The following JPH3 variants were observed in gnomAD, a reference collection of about 807,000 sequenced individuals.
The protein encoded by JPH3 is junctophilin-3.
A neutral mutation model predicts 59.6 loss-of-function variants in JPH3; 11 were observed. The observed-to-expected ratio is 0.18, with a 90% CI of 0.12 to 0.31. The LOEUF is 0.31. Ranked by LOEUF, JPH3 falls within the 10% of genes least tolerant of loss-of-function variation. The probability of loss-of-function intolerance (pLI) is 1.00; values close to 1 mark genes in which losing one functional copy is unlikely to be tolerated. For missense variants in JPH3, 1,202 were observed against 1,105.7 expected (o/e 1.09, Z -1.24); for synonymous variants, 673 against 483.6 (o/e 1.39, Z -5.14).
chr16:87,630,944 A>C (rs1327234282), intron 1 of JPH3, among the ~76,000 whole-genome samples: 1 of 152,204 alleles, frequency 6.6e-6, no homozygotes, highest in Non-Finnish European at 1.5e-5. Flanking sequence ...AGTATTGCTT[A>C]CTGCTGAGCC....
At chr16:87,635,339 G>C (rs531172707) in intron 1 of JPH3, among the ~76,000 whole-genome samples, 63 of 152,320 alleles carry the variant, frequency 4.1e-4, no homozygotes, top group African/African-American at 1.4e-3. Flanking sequence ...AAAGTTTTGG[G>C]AAGAGTGTCA....
chr16:87,689,948 A>G lies in JPH3; in HGVS notation c.1588A>G (p.Ser530Gly). Residue 530 changes from serine to glycine, a missense_variant, in exon 4 of 5, where the codon AGC (serine) becomes GGC (glycine). Physicochemically the swap from Ser to Gly is moderately conservative, Grantham distance 56. Transcript: ENST00000284262. ...EGRAGDCARS[S>G]WGEEQAGGSR... ...CCGGGCCGGGGACTGCGCCCGCAGC[A>G]GCTGGGGCGAGGAGCAGGCCGGGGG... The G allele has an allele frequency of 6.9e-7, 1 of 1,449,648 alleles. No individual in the cohort carries two copies. Among genetic ancestry groups the G allele is most frequent in the East Asian group, 2.5e-5 (1 of 39,848 alleles). The allele number at this position is 1,449,648 out of a possible 1,614,324, so 89.8% of individuals were successfully genotyped here.
intron 2 of JPH3, among the ~76,000 whole-genome samples, chr16:87,662,914 G>A (rs4843665): frequency 0.18 from 27,762 of 152,072 alleles, 2,919 homozygotes; most frequent in South Asian, 0.34. Context: ...CTCCTTTCAC[G>A]GACTTCCAGC....
chr16:87,636,474 C>G (rs755198445), intron 1 of JPH3, among the ~76,000 whole-genome samples: 1 of 152,164 alleles, frequency 6.6e-6, no homozygotes, highest in Non-Finnish European at 1.5e-5. Flanking sequence ...ACCGAGGGAG[C>G]GAGGGAGAGG....
chr16:87,644,251 T>C lies in JPH3; in HGVS notation c.383-7T>C. ...GGGCACTCACCCCTCTCTCATTTTC[T>C]CCCCAGGGACCTACCAGGGCCAGTG... On this transcript the variant is annotated splice_region_variant and splice_polypyrimidine_tract_variant and intron_variant, in intron 1 of 4. Coordinates refer to ENST00000284262, the MANE Select transcript of JPH3 (RefSeq NM_020655.4). The C allele has an allele frequency of 6.3e-7, 1 of 1,594,068 alleles. No homozygotes were observed. The highest frequency in any genetic ancestry group is 8.5e-7 in the Non-Finnish European group (1 of 1,169,666).
chr16:87,615,559 A>T (rs751400030), intron 1 of JPH3, among the ~76,000 whole-genome samples: 11 of 152,062 alleles, frequency 7.2e-5, no homozygotes, highest in Non-Finnish European at 1.5e-4. Context: ...CATTTTCCAG[A>T]TGGGAAGCAG....
At chr16:87,609,633 T>C (rs1049054156) in intron 1 of JPH3, among the ~76,000 whole-genome samples, 7 of 152,354 alleles carry the variant, frequency 4.6e-5, no homozygotes, top group South Asian at 2.1e-4. Context: ...CCATAGGATA[T>C]GTGTGTTCAC....
At chr16:87,664,707 C>A (rs2032808960) in intron 2 of JPH3, among the ~76,000 whole-genome samples, 1 of 152,176 alleles carries the variant, frequency 6.6e-6, no homozygotes, top group African/African-American at 2.4e-5. Context: ...GGTGAGCCAC[C>A]CCGGAGTGAA....
intron 4 of JPH3, among the ~76,000 whole-genome samples, chr16:87,692,993 A>G (rs547778870): frequency 6.6e-6 from 1 of 152,218 alleles, no homozygotes; most frequent in Non-Finnish European, 1.5e-5. Flanking sequence ...CAGGGGTGGC[A>G]TCAGTGGGCA....
At chr16:87,621,268 C>G (rs1041461841) in intron 1 of JPH3, among the ~76,000 whole-genome samples, 2 of 152,264 alleles carry the variant, frequency 1.3e-5, no homozygotes, top group Admixed American at 1.3e-4. Flanking sequence ...GCCAGTGCCC[C>G]CATCTGCTCT....
At chr16:87,680,801 T>C (rs2033270106) in intron 2 of JPH3, among the ~76,000 whole-genome samples, 1 of 152,228 alleles carries the variant, frequency 6.6e-6, no homozygotes, top group Non-Finnish European at 1.5e-5. Context: ...TTGTCTGGAT[T>C]GGTTTTATTT....
At chr16:87,653,004 AG>A (rs1477185209) in intron 2 of JPH3, among the ~76,000 whole-genome samples, 1 of 151,922 alleles carries the variant, frequency 6.6e-6, no homozygotes, top group Non-Finnish European at 1.5e-5. Context: ...AGTGAACTGC[AG>A]GGGGAAGTTG....
intron 1 of JPH3, among the ~76,000 whole-genome samples, chr16:87,622,397 C>G (rs1036619832): frequency 6.6e-6 from 1 of 152,194 alleles, no homozygotes; most frequent in African/African-American, 2.4e-5. Flanking sequence ...TGCTGCTGAC[C>G]TTTGGCGGTG....
chr16:87,660,362 C>G (rs1235808212), intron 2 of JPH3, among the ~76,000 whole-genome samples: 1 of 152,060 alleles, frequency 6.6e-6, no homozygotes, highest in African/African-American at 2.4e-5. Context: ...AGTGAGGTTT[C>G]CTGGGATTGA....
chr16:87,644,906 T>C lies in JPH3; in HGVS notation c.1031T>C (p.Val344Ala), dbSNP rs572969321. ...GGCAAGTACAAGCAGAACATCCTCGTCGGCGGCAAGCGCAAGAACCTCATC... is the reference window on the plus strand; with the variant it reads ...GGCAAGTACAAGCAGAACATCCTCGCCGGCGGCAAGCGCAAGAACCTCATC... Reference protein sequence around the residue: ...EEGKYKQNILVGGKRKNLIPL... With the variant: ...EEGKYKQNILAGGKRKNLIPL... The change falls in exon 2 of 5, where the codon GTC (valine) becomes GCC (alanine). Residue 344 changes from valine to alanine, a missense_variant. By Grantham distance (64) the Val-to-Ala change is moderately conservative. Transcript: ENST00000284262. 6.2e-7 allele frequency: 1 copy of C among 1,612,946 alleles called. No homozygotes were observed. Among genetic ancestry groups the C allele is most frequent in the African/African-American group, 1.3e-5 (1 of 74,976 alleles).
intron 2 of JPH3, among the ~76,000 whole-genome samples, chr16:87,646,776 G>C (rs115628866): frequency 4.7e-4 from 71 of 152,292 alleles, no homozygotes; most frequent in African/African-American, 1.7e-3. Flanking sequence ...GTGACCTGCA[G>C]ATTGGTTCAT....
At chr16:87,635,102 C>G (rs368307427) in intron 1 of JPH3, among the ~76,000 whole-genome samples, 2 of 152,098 alleles carry the variant, frequency 1.3e-5, no homozygotes, top group South Asian at 2.1e-4. Flanking sequence ...ACTCATGGGT[C>G]GGGGCCGCAC....
chr16:87,683,946 T>C, intron 2 of JPH3, 196 bp from the exon 3 acceptor site: 1 of 585,238 alleles, frequency 1.7e-6, no homozygotes, highest in Non-Finnish European at 3.1e-6. Flanking sequence ...TGGGCCTGGT[T>C]GGTTGATGCT....
intron 2 of JPH3, among the ~76,000 whole-genome samples, chr16:87,674,993 C>T (rs1017325974): frequency 3.3e-5 from 5 of 152,110 alleles, no homozygotes; most frequent in Non-Finnish European, 7.3e-5. Flanking sequence ...AACTCCTGAC[C>T]TCAGGTGATC....
Sources: allele counts gnomAD v4.1 joint callset (sites outside exome capture counted in the v4.1 genomes callset), GRCh38; gene constraint gnomAD v4.1.1; transcripts MANE v1.5; gene names NCBI Gene and HGNC (gene_info 2026-07-23, HGNC 2026-07-21).